Variants in NEXMIF observed in about 807,000 individuals in gnomAD.
The protein encoded by NEXMIF is XLMR protein related to neurite extension.
In NEXMIF, 8 loss-of-function variants were observed where a neutral mutation model predicts 62.1. The observed-to-expected ratio is 0.13, with a 90% CI of 0.08 to 0.23. The LOEUF (loss-of-function observed/expected upper bound fraction) is 0.23. Ranked by LOEUF, NEXMIF falls within the 10% of genes least tolerant of loss-of-function variation. The pLI, the probability that NEXMIF is intolerant of heterozygous loss-of-function variation, is 1.00. For synonymous variants in NEXMIF, 404 were observed against 416.6 expected (o/e 0.97, Z 0.37); for missense variants, 976 against 1,113.3 (o/e 0.88, Z 1.75).
chrX:74,875,862 G>T (rs1357135620), intron 1 of NEXMIF, among the ~76,000 whole-genome samples: 1 of 111,060 alleles, frequency 9.0e-6, no homozygotes, highest in Non-Finnish European at 1.9e-5. Context: ...ATTTTTTATT[G>T]TGTCTATTTG....
At chrX:74,826,183 A>AT (rs772552914) in intron 1 of NEXMIF, among the ~76,000 whole-genome samples, 256 of 111,766 alleles carry the variant, frequency 2.3e-3, no homozygotes, top group Non-Finnish European at 3.5e-3. Context: ...AGCATCTGTT[A>AT]TTTTTTGGCT....
At chrX:74,888,396 C>G (rs1197748844) in intron 1 of NEXMIF, among the ~76,000 whole-genome samples, 2 of 109,754 alleles carry the variant, frequency 1.8e-5, no homozygotes, top group Non-Finnish European at 3.8e-5. Flanking sequence ...CTTGCAGGGA[C>G]ATGGATGAAG....
intron 1 of NEXMIF, among the ~76,000 whole-genome samples, chrX:74,828,063 T>C (rs1308996976): frequency 2.7e-5 from 3 of 111,342 alleles, no homozygotes; most frequent in African/African-American, 9.8e-5. Flanking sequence ...ACAAAGATAA[T>C]GGAAACAAGG....
chrX:74,836,755 G>C (rs1040639808), intron 1 of NEXMIF, among the ~76,000 whole-genome samples: 1 of 111,445 alleles, frequency 9.0e-6, no homozygotes, highest in African/African-American at 3.3e-5. Context: ...CCTGGGGTTG[G>C]GGGGAGGCAT....
intron 1 of NEXMIF, among the ~76,000 whole-genome samples, chrX:74,888,426 GA>G (rs1225926576): frequency 9.1e-6 from 1 of 109,633 alleles, no homozygotes; most frequent in Non-Finnish European, 1.9e-5. Context: ...ATCATTCTCA[GA>G]AAACTAACAC....
At chrX:74,773,853 G>C (rs1439604473) in intron 1 of NEXMIF, among the ~76,000 whole-genome samples, 1 of 92,732 alleles carries the variant, frequency 1.1e-5, no homozygotes, top group Non-Finnish European at 2.1e-5. Context: ...AGGTTGCAGT[G>C]AGCTGAGATT....
chrX:74,752,146 C>G (rs2080146345), intron 1 of NEXMIF, among the ~76,000 whole-genome samples: 3 of 111,515 alleles, frequency 2.7e-5, no homozygotes, highest in African/African-American at 9.8e-5. Flanking sequence ...ATTACATGTA[C>G]TACAAAAAAT....
intron 1 of NEXMIF, among the ~76,000 whole-genome samples, chrX:74,755,592 T>A (rs939132893): frequency 9.0e-6 from 1 of 111,627 alleles, no homozygotes; most frequent in African/African-American, 3.3e-5. Flanking sequence ...AATAAATCCA[T>A]CTCTGATCAC....
chrX:74,821,531 A>G (rs2080395896), intron 1 of NEXMIF, among the ~76,000 whole-genome samples: 2 of 111,831 alleles, frequency 1.8e-5, no homozygotes, highest in African/African-American at 6.5e-5. Context: ...ACTCCTATAG[A>G]TGAACAATTT....
chrX:74,798,144 A>C (rs973837088), intron 1 of NEXMIF, among the ~76,000 whole-genome samples: 1 of 112,046 alleles, frequency 8.9e-6, no homozygotes, highest in Non-Finnish European at 1.9e-5. Context: ...TGAGAGCATC[A>C]GGAAGAATAG....
intron 1 of NEXMIF, among the ~76,000 whole-genome samples, chrX:74,903,307 C>T (rs989464233): frequency 6.0e-5 from 6 of 100,587 alleles, no homozygotes; most frequent in Non-Finnish European, 1.0e-4. Flanking sequence ...TCCTGGAGTC[C>T]TCACTGATTC....
chrX:74,872,786 C>T (rs1399795108), intron 1 of NEXMIF, among the ~76,000 whole-genome samples: 1 of 109,375 alleles, frequency 9.1e-6, no homozygotes, highest in African/African-American at 3.3e-5. Flanking sequence ...TCATGTAACC[C>T]ATAAACATAT....
chrX:74,820,000 T>A (rs1241242698), intron 1 of NEXMIF, among the ~76,000 whole-genome samples: 1 of 111,627 alleles, frequency 9.0e-6, no homozygotes, highest in Non-Finnish European at 1.9e-5. Context: ...TGGAATACTA[T>A]GCAGCCATGA....
intron 1 of NEXMIF, among the ~76,000 whole-genome samples, chrX:74,767,250 C>T (rs2080197596): frequency 8.9e-6 from 1 of 112,119 alleles, no homozygotes; most frequent in African/African-American, 3.2e-5. Context: ...AACAGTCTGG[C>T]CACTTTTCAA....
intron 1 of NEXMIF, among the ~76,000 whole-genome samples, chrX:74,825,108 T>A (rs1783399643): frequency 8.9e-6 from 1 of 111,869 alleles, no homozygotes; most frequent in Admixed American, 9.5e-5. Context: ...GAGGTTATAT[T>A]TCACTGTGGT....
intron 1 of NEXMIF, among the ~76,000 whole-genome samples, chrX:74,834,134 CAAA>C (rs60340857): frequency 3.8e-5 from 2 of 53,210 alleles, no homozygotes; most frequent in Non-Finnish European, 7.4e-5. Flanking sequence ...AACTCCATCT[CAAA>C]AAAAAAAAAA....
intron 1 of NEXMIF, among the ~76,000 whole-genome samples, chrX:74,777,681 T>C (rs145013494): frequency 0.044 from 4,910 of 111,343 alleles, 129 homozygotes; most frequent in Non-Finnish European, 0.07. Context: ...TGCTGGTGTT[T>C]TGCTCAGTTT....
At position 74,898,736 on chromosome X, in the gene NEXMIF, CTAA is replaced by C. The variant is rs2080740084; in HGVS notation, c.-48+26144_-48+26146del. 2.7e-5 allele frequency among the ~76,000 whole-genome samples: 3 copies of C among 110,638 alleles called. No homozygotes were observed. In the South Asian group the frequency reaches 1.1e-3, roughly 42 times the overall value. On this transcript the variant is annotated intron_variant, in intron 1 of 3. Coordinates refer to ENST00000055682, the MANE Select transcript of NEXMIF (RefSeq NM_001008537.3). ...CTATTTTTTAAAAATAGGAAAAATC[CTAA>C]TGATTCCACAAAAGACTGTTATAAC...
intron 1 of NEXMIF, among the ~76,000 whole-genome samples, chrX:74,768,631 A>G (rs779054322): frequency 1.2e-4 from 13 of 112,121 alleles, no homozygotes; most frequent in African/African-American, 4.2e-4. Context: ...AGAAGAGCAT[A>G]GGGAAAACAG....
Sources: gnomAD v4.1 joint callset for allele counts (sites outside exome capture counted in the v4.1 genomes callset) on GRCh38, gnomAD v4.1.1 for gene constraint, MANE v1.5 for transcripts, NCBI Gene and HGNC (gene_info 2026-07-23, HGNC 2026-07-21) for gene names.